SEC14L1: variants seen among roughly 807,000 people sequenced by gnomAD.
SEC14L1 encodes SEC14 like lipid binding 1.
In SEC14L1, 48 loss-of-function variants were observed where a neutral mutation model predicts 85.3. That is an observed-to-expected ratio of 0.56 (90% confidence interval 0.45 to 0.72). The LOEUF is 0.72. Among genes scored for constraint, SEC14L1 ranks in the 30% least tolerant of loss-of-function variants. The pLI is 0.00. For missense variants in SEC14L1, 682 were observed against 921.4 expected, an observed-to-expected ratio of 0.74 and a Z score of 3.36; for synonymous variants, 391 against 355.5, an observed-to-expected ratio of 1.10 and a Z score of -1.12.
upstream of SEC14L1, chr17:77,088,694 C>T (rs140502618): frequency 6.6e-6 from 1 of 152,342 alleles, no homozygotes; most frequent in Admixed American, 6.5e-5. Context: ...TAAGTGGAGA[C>T]ACGTGCTTTG....
chr17:77,168,226 G>A (rs550085238), intron 3 of SEC14L1, among the ~76,000 whole-genome samples: 3 of 152,288 alleles, frequency 2.0e-5, no homozygotes, highest in East Asian at 1.9e-4. Context: ...GAGCAAGAAC[G>A]TTACACAGTT....
Position 77,213,679 on chromosome 17 carries a change from G to C in SEC14L1, c.2042+187G>C, listed in dbSNP as rs565801482. The C allele has an allele frequency of 2.3e-6, 2 of 864,052 alleles. No homozygotes were observed. The highest frequency in any genetic ancestry group is 5.3e-5 in the East Asian group (2 of 37,980). The allele number at this position is 864,052 out of a possible 1,614,324, so 53.5% of individuals were successfully genotyped here. On this transcript the variant is annotated intron_variant, in intron 16 of 16. Transcript: ENST00000436233. The surrounding 1 kb of genome is among the most constrained non-coding windows in gnomAD (Gnocchi z 7.1). The stretch of plus-strand genomic sequence containing the variant: ...CTCCCTGCCTGTCTGCAGAGGGAGA[G>C]TGTCGGAGACAGAGCCGACTGACTG...
Position 77,203,599 on chromosome 17 carries a change from G to C in SEC14L1, c.1039G>C (p.Gly347Arg). The C allele has an allele frequency of 6.2e-7, 1 of 1,613,854 alleles. No homozygotes were observed. Among genetic ancestry groups the C allele is most frequent in the Non-Finnish European group, 8.5e-7 (1 of 1,179,950 alleles). Residue 347 changes from glycine (G) to arginine (R), a missense_variant, in exon 10 of 17, where the codon GGG becomes CGG. By Grantham distance (125) the Gly-to-Arg change is moderately radical. Coordinates refer to ENST00000436233, the MANE Select transcript of SEC14L1 (RefSeq NM_001143998.2). ...GCGGCCCCTCTACGTGCTCAGGCTG[G>C]GGCAGATGGACACCAAAGGCTTGGT... ...DGRPLYVLRL[G>R]QMDTKGLVRA...
intron 3 of SEC14L1, among the ~76,000 whole-genome samples, chr17:77,145,322 G>T (rs558970851): frequency 1.0e-3 from 159 of 152,216 alleles, no homozygotes; most frequent in African/African-American, 3.7e-3. Context: ...AAATGGTCAC[G>T]TGTCAGGTGT....
In SEC14L1 at chr17:77,132,040, C is replaced by A. The variant is rs542027147; in HGVS notation, c.-135-10606C>A. Among the ~76,000 whole-genome samples, 22 of 152,266 alleles carry A rather than the reference C, an allele frequency of 1.4e-4. No homozygotes were observed. The South Asian group carries it at 4.4e-3, about 30-fold the overall frequency. On this transcript the variant is annotated intron_variant, in intron 3 of 19. Transcript: ENST00000392476. ...TTAGCTCAAGGCCACTGGATTATTG[C>A]CAGGGCTCAATTAGGAAATCGTGCC...
intron 6 of SEC14L1, 100 bp downstream of exon 6, chr17:77,193,649 C>A: frequency 2.4e-6 from 3 of 1,266,250 alleles, no homozygotes; most frequent in Non-Finnish European, 3.3e-6. Flanking sequence ...GGATTTGCAG[C>A]ATTTCTTGGG....
chr17:77,120,853 G>A (rs1297957419), intron 3 of SEC14L1, among the ~76,000 whole-genome samples: 1 of 152,182 alleles, frequency 6.6e-6, no homozygotes, highest in Non-Finnish European at 1.5e-5. Flanking sequence ...TCCGATGTGT[G>A]ACTGAGATTC....
In SEC14L1 at chr17:77,215,899, A is replaced by G. The variant is rs1172953119; in HGVS notation, c.*1876A>G. ...GGGTTCGTAGGTAGGGTTCGTAGGT[A>G]GGGCTAGTAGGTAGGGTTAGTAGGT... On this transcript the variant is annotated 3_prime_UTR_variant, in exon 17 of 17. Transcript: ENST00000436233. The G allele has an allele frequency of 3.1e-6, 3 of 973,530 alleles. No individual in the cohort carries two copies. The highest frequency in any genetic ancestry group is 3.6e-6 in the Non-Finnish European group (3 of 826,340). 60.3% of individuals were successfully genotyped at this position (973,530 alleles called of 1,614,324 possible).
chr17:77,170,390 G>C (rs1974474501), intron 3 of SEC14L1, among the ~76,000 whole-genome samples: 1 of 152,082 alleles, frequency 6.6e-6, no homozygotes. Flanking sequence ...TTCTTCCCAA[G>C]TAGGTTTGAG....
intron 3 of SEC14L1, among the ~76,000 whole-genome samples, chr17:77,169,359 A>G (rs1974431034): frequency 6.6e-6 from 1 of 152,170 alleles, no homozygotes; most frequent in Non-Finnish European, 1.5e-5. Context: ...TTGGGGGAAT[A>G]GCAATGAGAG....
At chr17:77,121,592 C>T (rs954374340) in intron 3 of SEC14L1, among the ~76,000 whole-genome samples, 2 of 152,096 alleles carry the variant, frequency 1.3e-5, no homozygotes, top group African/African-American at 2.4e-5. Context: ...CTCCTGACCT[C>T]GTGATCCACC....
chr17:77,192,604 C>T (rs1472564105), intron 5 of SEC14L1, among the ~76,000 whole-genome samples: 3 of 152,088 alleles, frequency 2.0e-5, no homozygotes, highest in Non-Finnish European at 4.4e-5. Context: ...CAGGTCACCC[C>T]TTCTTGGCCA....
At chr17:77,204,522 C>CCTTTTTTTTTTTTTTTT (rs1555628453) in intron 10 of SEC14L1, among the ~76,000 whole-genome samples, 1 of 84,728 alleles carries the variant, frequency 1.2e-5, no homozygotes, top group African/African-American at 4.0e-5. Flanking sequence ...GCCCAGCCAG[C>CCTTTTTTTTTTTTTTTT]TTTTTTTTTT....
Position 77,215,928 on chromosome 17 carries a change from G to A in SEC14L1, c.*1905G>A, listed in dbSNP as rs1417056615. On this transcript the variant is annotated 3_prime_UTR_variant, in exon 17 of 17. Transcript: ENST00000436233. ...CTAGTAGGTAGGGTTAGTAGGTAGG[G>A]TTCGTAGGTAGGGTTCGTAGGTAGG... 2.0e-4 allele frequency: 197 copies of A among 973,746 alleles called. 11 individuals carry two copies. Among genetic ancestry groups the A allele is most frequent in the Non-Finnish European group, 2.3e-4 (193 of 824,858 alleles). 60.3% of individuals were successfully genotyped at this position (973,746 alleles called of 1,614,324 possible). A position where few individuals can be genotyped will look rare whatever the true frequency, so the allele number is the denominator to read the frequency against.
intron 3 of SEC14L1, among the ~76,000 whole-genome samples, chr17:77,147,302 AG>A (rs1160490691): frequency 2.0e-5 from 3 of 152,152 alleles, no homozygotes; most frequent in African/African-American, 7.2e-5. Flanking sequence ...GTACACAGTC[AG>A]GTCAGATATG....
At chr17:77,106,000 A>G (rs1009035083) in intron 3 of SEC14L1, among the ~76,000 whole-genome samples, 6 of 151,452 alleles carry the variant, frequency 4.0e-5, no homozygotes, top group Non-Finnish European at 8.8e-5. Flanking sequence ...AAAAAAAAAA[A>G]GGAAAAGTCA....
Position 77,214,811 on chromosome 17 carries a change from CT to C in SEC14L1, c.*789del. 2 of 985,558 alleles carry C rather than the reference CT, an allele frequency of 2.0e-6. No individual in the cohort carries two copies. The highest frequency in any genetic ancestry group is 2.4e-6 in the Non-Finnish European group (2 of 830,040). 61.1% of individuals were successfully genotyped at this position (985,558 alleles called of 1,614,324 possible). ...TCCCGTTTCCTTCCGTGCGTCGCCC[CT>C]CTCACCTGCAGTCAGCTCCCAGCCC... On this transcript the variant is annotated 3_prime_UTR_variant, in exon 17 of 17. Transcript: ENST00000436233.
In SEC14L1 at chr17:77,216,538, CTG is replaced by C. The variant is rs770205021; in HGVS notation, c.*2519_*2520del. The C allele has an allele frequency of 2.5e-6, 4 of 1,613,268 alleles. No individual in the cohort carries two copies. The East Asian group carries it at 6.7e-5, about 27-fold the overall frequency. ...GTCCCTGCTTTCTCTTTCTCTTTCT[CTG>C]TGTCTCAGATGGCGATTTTGCTGAC... On this transcript the variant is annotated 3_prime_UTR_variant, in exon 17 of 17. Transcript: ENST00000436233.
intron 3 of SEC14L1, among the ~76,000 whole-genome samples, chr17:77,178,812 C>T (rs181988368): frequency 3.9e-4 from 60 of 152,278 alleles, no homozygotes; most frequent in African/African-American, 1.2e-3. Context: ...AGCGTGGCCA[C>T]GTTCTCAGCA....
Sources: gnomAD v4.1 joint callset for allele counts (sites outside exome capture counted in the v4.1 genomes callset) on GRCh38, gnomAD v4.1.1 for gene constraint, Gnocchi (gnomAD v3.1) non-coding constraint, MANE v1.5 for transcripts, NCBI Gene and HGNC (gene_info 2026-07-23, HGNC 2026-07-21) for gene names.